Variants in PXDNL observed in about 807,000 individuals in gnomAD.
The protein encoded by PXDNL is probable oxidoreductase PXDNL.
Under a neutral mutation model 150.8 loss-of-function variants are expected in PXDNL, and 145 were observed. The observed-to-expected ratio is 0.96, with a 90% CI of 0.84 to 1.10. The LOEUF is 1.10. Among genes scored for constraint, PXDNL ranks in the 50% least tolerant of loss-of-function variants. The probability of loss-of-function intolerance (pLI) is 0.00; values close to 1 mark genes in which losing one functional copy is unlikely to be tolerated. For synonymous variants in PXDNL, 757 were observed against 725.7 expected, an observed-to-expected ratio of 1.04 and a Z score of -0.69; for missense variants, 2,087 against 1,873.9, an observed-to-expected ratio of 1.11 and a Z score of -2.10.
intron 2 of PXDNL, among the ~76,000 whole-genome samples, chr8:51,646,727 T>C (rs1814928144): frequency 6.6e-6 from 1 of 150,844 alleles, no homozygotes; most frequent in South Asian, 2.1e-4. Context: ...GGGAAAGAGG[T>C]GTCAGATCAA....
intron 8 of PXDNL, among the ~76,000 whole-genome samples, chr8:51,458,575 C>T (rs979341310): frequency 6.6e-6 from 1 of 152,166 alleles, no homozygotes; most frequent in Non-Finnish European, 1.5e-5. Context: ...TTTCTAAACA[C>T]CGATGTTTTG....
chr8:51,710,451 G>C (rs969420559), intron 1 of PXDNL, among the ~76,000 whole-genome samples: 1 of 152,032 alleles, frequency 6.6e-6, no homozygotes, highest in Non-Finnish European at 1.5e-5. Context: ...TGGGGGGTGA[G>C]GACATTTAAA....
chr8:51,441,422 A>G (rs1307072403), intron 12 of PXDNL, among the ~76,000 whole-genome samples: 3 of 152,156 alleles, frequency 2.0e-5, no homozygotes, highest in Non-Finnish European at 4.4e-5. Flanking sequence ...GAGACTAGCA[A>G]TTACTTCCCT....
At chr8:51,582,126 C>T (rs1813223816) in intron 3 of PXDNL, among the ~76,000 whole-genome samples, 1 of 152,100 alleles carries the variant, frequency 6.6e-6, no homozygotes, top group Admixed American at 6.6e-5. Flanking sequence ...GCTCTAACCT[C>T]AAATGTGAGT....
Position 51,575,233 on chromosome 8 carries a change from A to G in PXDNL, c.308+17394T>C, listed in dbSNP as rs111920695. Among the ~76,000 whole-genome samples, 941 of 152,134 alleles carry G rather than the reference A, an allele frequency of 6.2e-3. 3 individuals carry two copies. Among genetic ancestry groups the G allele is most frequent in the African/African-American group, 0.022 (896 of 41,544 alleles). On this transcript the variant is annotated intron_variant, in intron 3 of 22. Coordinates refer to ENST00000356297, the MANE Select transcript of PXDNL (RefSeq NM_144651.5). ...ATATGTATTTAATACCTGAGCACCC[A>G]CTAAAAAAGCTGCACAAAGACATAA...
In PXDNL at chr8:51,699,839, A is replaced by T. The variant is rs572306373; in HGVS notation, c.165-45079T>A. Among the ~76,000 whole-genome samples, 3 of 152,318 alleles carry T rather than the reference A, an allele frequency of 2.0e-5. No individual in the cohort carries two copies. In the East Asian group the frequency reaches 5.8e-4, roughly 29 times the overall value. ...CAAATTAGGTAACAAATAGCTGGTC[A>T]AGTAGTAAGAACACACAGGACATTT... On this transcript the variant is annotated intron_variant, in intron 1 of 22. Transcript: ENST00000356297.
chr8:51,670,082 C>A (rs776075928), intron 1 of PXDNL, among the ~76,000 whole-genome samples: 1 of 152,090 alleles, frequency 6.6e-6, no homozygotes, highest in Non-Finnish European at 1.5e-5. Flanking sequence ...ACTAAAAATA[C>A]AAAAATATAG....
chr8:51,658,630 G>A (rs73678937), intron 1 of PXDNL, among the ~76,000 whole-genome samples: 3,964 of 152,136 alleles, frequency 0.026, 187 homozygotes, highest in African/African-American at 0.09. Context: ...ATTACCTATC[G>A]TAGGGTAAGT....
chr8:51,473,952 G>C (rs1339551971), intron 7 of PXDNL, among the ~76,000 whole-genome samples: 4 of 152,094 alleles, frequency 2.6e-5, no homozygotes, highest in Non-Finnish European at 5.9e-5. Context: ...ATGAAAGCTG[G>C]GATATCAGTT....
chr8:51,353,873 G>A (rs575654184), intron 19 of PXDNL, among the ~76,000 whole-genome samples: 5 of 152,064 alleles, frequency 3.3e-5, no homozygotes, highest in Non-Finnish European at 5.9e-5. Context: ...TCCTGTTTCT[G>A]TGTGCCTGAC....
intron 2 of PXDNL, among the ~76,000 whole-genome samples, chr8:51,594,075 C>T (rs183299815): frequency 1.6e-3 from 243 of 152,276 alleles, no homozygotes; most frequent in African/African-American, 5.2e-3. Flanking sequence ...GTTAGTTTCC[C>T]AAACCACCAC....
rs559821993 is a variant in PXDNL at position 51,446,645 on chromosome 8, A to G, written c.1525+359T>C. 1.0e-3 allele frequency among the ~76,000 whole-genome samples: 156 copies of G among 152,270 alleles called. 1 individual carries two copies. Among genetic ancestry groups the G allele is most frequent in the African/African-American group, 3.4e-3 (143 of 41,574 alleles). On this transcript the variant is annotated intron_variant, in intron 12 of 22. Coordinates refer to ENST00000356297, the MANE Select transcript of PXDNL (RefSeq NM_144651.5). ...TTCCTAATACCACTCAGCATAAAAC[A>G]TACTTCAGTGTCAGAGTGAGATTCA...
chr8:51,393,685 G>A (rs1442872813), intron 17 of PXDNL, among the ~76,000 whole-genome samples: 2 of 152,240 alleles, frequency 1.3e-5, no homozygotes, highest in African/African-American at 4.8e-5. Flanking sequence ...AAGAGGGGAA[G>A]ACCATTGTGC....
chr8:51,700,908 T>C (rs1816246622), intron 1 of PXDNL, among the ~76,000 whole-genome samples: 1 of 151,558 alleles, frequency 6.6e-6, no homozygotes, highest in African/African-American at 2.4e-5. Context: ...CTCCTATACA[T>C]ACACAATATA....
chr8:51,433,150 G>C (rs192715785), intron 12 of PXDNL, among the ~76,000 whole-genome samples: 1 of 151,446 alleles, frequency 6.6e-6, no homozygotes, highest in South Asian at 2.1e-4. Flanking sequence ...CAGAGATTGC[G>C]GTGAGCGGAG....
At chr8:51,397,853 C>T (rs1408032699) in intron 17 of PXDNL, among the ~76,000 whole-genome samples, 1 of 152,030 alleles carries the variant, frequency 6.6e-6, no homozygotes, top group Non-Finnish European at 1.5e-5. Flanking sequence ...GTGCTGCACC[C>T]ATTAACTCGT....
intron 1 of PXDNL, among the ~76,000 whole-genome samples, chr8:51,712,152 G>A (rs1347042310): frequency 6.6e-6 from 1 of 152,130 alleles, no homozygotes; most frequent in Non-Finnish European, 1.5e-5. Flanking sequence ...GTCTGGGTGT[G>A]GTAACATGGT....
chr8:51,793,749 C>T (rs962389910), intron 1 of PXDNL, among the ~76,000 whole-genome samples: 12 of 151,884 alleles, frequency 7.9e-5, no homozygotes, highest in Admixed American at 2.0e-4. Flanking sequence ...ATTAGTTGGG[C>T]GTGGTGACTG....
chr8:51,782,059 C>T (rs150893309), intron 1 of PXDNL, among the ~76,000 whole-genome samples: 53 of 152,114 alleles, frequency 3.5e-4, no homozygotes, highest in African/African-American at 1.2e-3. Context: ...AGTAGGGTGG[C>T]TGTTCTCTGC....
Sources: allele counts gnomAD v4.1 joint callset (sites outside exome capture counted in the v4.1 genomes callset), GRCh38; gene constraint gnomAD v4.1.1; transcripts MANE v1.5; gene names NCBI Gene and HGNC (gene_info 2026-07-23, HGNC 2026-07-21).